Variants in VILL observed in about 807,000 individuals in gnomAD.
VILL encodes the protein villin like.
A neutral mutation model predicts 106.3 loss-of-function variants in VILL; 102 were observed. The observed-to-expected ratio is 0.96, with a 90% CI of 0.82 to 1.13. VILL has a LOEUF of 1.13. Ranked by LOEUF, VILL falls within the 50% of genes most tolerant of loss-of-function variation. The probability of loss-of-function intolerance (pLI) is 0.00; values close to 1 mark genes in which losing one functional copy is unlikely to be tolerated. For synonymous variants in VILL, 431 were observed against 440.3 expected (o/e 0.98, Z 0.27); for missense variants, 1,076 against 1,116.6 (o/e 0.96, Z 0.52).
At position 37,997,255 on chromosome 3, in the gene VILL, C is replaced by T. The variant is rs1699719840; in HGVS notation, c.561+68C>T. 2 of 1,501,656 alleles carry T rather than the reference C, an allele frequency of 1.3e-6. No individual in the cohort carries two copies. The highest frequency in any genetic ancestry group is 2.3e-5 in the South Asian group (2 of 87,516). The allele number at this position is 1,501,656 out of a possible 1,614,324, so 93.0% of individuals were successfully genotyped here. A position where few individuals can be genotyped will look rare whatever the true frequency, so the allele number is the denominator to read the frequency against. ...GGGGAATGATCCTCCAGTTGACCAT[C>T]CTCCGGCCACCCAAAGAGTTGGGCT... On this transcript the variant is annotated intron_variant, in intron 6 of 19. Coordinates refer to ENST00000383759, the MANE Select transcript of VILL (RefSeq NM_015873.4). The surrounding 1 kb of genome is among the most constrained non-coding windows in gnomAD (Gnocchi z 4.7).
At chr3:37,989,614 A>G (rs1314697716), upstream of VILL, among the ~76,000 whole-genome samples, 1 of 152,174 alleles carries the variant, frequency 6.6e-6, no homozygotes, top group Non-Finnish European at 1.5e-5. Flanking sequence ...AGATGGGGGA[A>G]GAGTCGGTGG....
intron 13 of VILL, 133 bp from the exon 14 acceptor site, chr3:38,002,263 A>G: frequency 2.5e-6 from 2 of 802,506 alleles, no homozygotes; most frequent in South Asian, 1.8e-5. Context: ...TGTACTCCTC[A>G]TGTGAAATCA....
In VILL at chr3:37,997,945, C is replaced by A; in HGVS notation, c.765-145C>A. 1 of 838,938 alleles carries A rather than the reference C, an allele frequency of 1.2e-6. No individual in the cohort carries two copies. The highest frequency in any genetic ancestry group is 1.8e-5 in the South Asian group (1 of 56,198). The allele number at this position is 838,938 out of a possible 1,614,324, so 52.0% of individuals were successfully genotyped here. A position where few individuals can be genotyped will look rare whatever the true frequency, so the allele number is the denominator to read the frequency against. ...TGCCTAAAGCTCCACAGCAAGGCTG[C>A]AGTAAAAGTGAAGACTACAACTCGG... is the stretch of plus-strand genomic sequence containing the variant. On this transcript the variant is annotated intron_variant, in intron 7 of 19. Transcript: ENST00000383759. This position sits in a 1 kb window ranked among gnomAD's most constrained non-coding sequence, Gnocchi z 4.7.
In VILL at chr3:37,990,813, G is replaced by C. The variant is rs1575331982; in HGVS notation, c.-103G>C. The C allele has an allele frequency of 6.6e-6, 1 of 152,574 alleles. No individual in the cohort carries two copies. The highest frequency in any genetic ancestry group is 6.5e-5 in the Admixed American group (1 of 15,292). 9.5% of individuals were successfully genotyped at this position (152,574 alleles called of 1,614,324 possible). A position where few individuals can be genotyped will look rare whatever the true frequency, so the allele number is the denominator to read the frequency against. ...TGCCCACAGGCAGGGCGAAGGCGCG[G>C]GAGCAGTTTCCAGCAGGTAGGCCTG... On this transcript the variant is annotated 5_prime_UTR_variant, in exon 1 of 20. Coordinates refer to ENST00000383759, the MANE Select transcript of VILL (RefSeq NM_015873.4). The surrounding 1 kb of genome is among the most constrained non-coding windows in gnomAD (Gnocchi z 5.1).
intron 14 of VILL, 56 bp from the exon 15 acceptor site, chr3:38,003,112 G>A: frequency 1.3e-6 from 2 of 1,591,192 alleles, no homozygotes; most frequent in Non-Finnish European, 1.7e-6. Flanking sequence ...GGGACGTGGG[G>A]CCGGAGGTGA....
chr3:38,002,194 A>G, intron 13 of VILL: 1 of 638,154 alleles, frequency 1.6e-6, no homozygotes, highest in Non-Finnish European at 2.7e-6. Flanking sequence ...GTCCATTTAA[A>G]AAGGGTCTGT....
chr3:37,996,033 C>T (rs1405635135), intron 5 of VILL, among the ~76,000 whole-genome samples, 186 bp downstream of exon 5: 3 of 152,168 alleles, frequency 2.0e-5, no homozygotes, highest in Admixed American at 6.5e-5. Context: ...CACTGCTCCC[C>T]GGACCTTTTG....
chr3:37,995,372 G>A (rs1325074867), intron 4 of VILL, among the ~76,000 whole-genome samples: 3 of 152,228 alleles, frequency 2.0e-5, no homozygotes, highest in African/African-American at 7.2e-5. Flanking sequence ...CCTATAGATG[G>A]ACATGTGTGA....
upstream of VILL, among the ~76,000 whole-genome samples, chr3:37,988,770 G>C (rs1699577523): frequency 6.6e-6 from 1 of 152,188 alleles, no homozygotes; most frequent in Non-Finnish European, 1.5e-5. Context: ...ACTGAGGCAG[G>C]AGAATCACTT....
chr3:37,998,349 C>T lies in VILL; in HGVS notation c.927C>T (p.Ala309=), dbSNP rs772774165. The T allele has an allele frequency of 2.5e-6, 4 of 1,614,030 alleles. No individual in the cohort carries two copies. Among genetic ancestry groups the T allele is most frequent in the Non-Finnish European group, 2.5e-6 (3 of 1,180,004 alleles). The part of the protein sequence containing the change: ...RMSSLQERKA[A]FSRAVGFIQA... ...CTAGCCTCCAGGAGAGAAAGGCTGC[C>T]TTCAGCCGGGCTGTGGTGAGCCCTG... Residue 309 remains alanine (A), a synonymous_variant, in exon 9 of 20, where the codon GCC becomes GCT. Coordinates refer to ENST00000383759, the MANE Select transcript of VILL (RefSeq NM_015873.4). The surrounding 1 kb of genome is among the most constrained non-coding windows in gnomAD (Gnocchi z 4.1).
rs775733388 is a variant in VILL at position 37,994,309 on chromosome 3, TAC to T, written c.185_186del (p.Tyr62LeufsTer61). On this transcript the variant is annotated frameshift_variant, in exon 4 of 20. Coordinates refer to ENST00000383759, the MANE Select transcript of VILL (RefSeq NM_015873.4). LOFTEE classifies it high-confidence loss of function. ...ATQGASSDLH[Y>X]WVGKQAGAEA... ...GCAGGGGGCGTCCAGCGACCTGCAC[TAC>T]TGGGTCGGGAAGCAGGCGGGTGCGG... is the stretch of plus-strand genomic sequence containing the variant. 2 of 1,612,052 alleles carry T rather than the reference TAC, an allele frequency of 1.2e-6. No individual in the cohort carries two copies. The highest frequency in any genetic ancestry group is 1.7e-6 in the Non-Finnish European group (2 of 1,179,872).
At chr3:37,995,980 G>A (rs145489540) in intron 5 of VILL, 133 bp downstream of exon 5, 12 of 670,618 alleles carry the variant, frequency 1.8e-5, no homozygotes, top group African/African-American at 1.6e-4. Context: ...GGTCTTGAAT[G>A]AGGAGAACAG....
chr3:38,005,644 G>T (rs1417411383), intron 16 of VILL, 148 bp from the exon 17 acceptor site: 2 of 771,256 alleles, frequency 2.6e-6, no homozygotes, highest in African/African-American at 1.7e-5. Context: ...CGGGTGTGTG[G>T]GTACAGCCGC....
chr3:38,002,270 A>G (rs1435868172), intron 13 of VILL, 126 bp from the exon 14 acceptor site: 1 of 862,000 alleles, frequency 1.2e-6, no homozygotes, highest in Non-Finnish European at 1.7e-6. Context: ...CTCATGTGAA[A>G]TCACCAGTGA....
chr3:37,999,886 C>T (rs944169657), intron 11 of VILL, among the ~76,000 whole-genome samples: 2 of 152,244 alleles, frequency 1.3e-5, no homozygotes, highest in African/African-American at 4.8e-5. Flanking sequence ...CACACGATCA[C>T]ACATCATCAA....
At position 37,997,589 on chromosome 3, in the gene VILL, T is replaced by C. The variant is rs746022002; in HGVS notation, c.668T>C (p.Met223Thr). The stretch of plus-strand genomic sequence containing the variant: ...AAAGCCCCGGACCTCATGCAGATCA[T>C]GGAGGCTGTGCTGGGCCGCAGGGTG... ...EAKAPDLMQI[M>T]EAVLGRRVGS... The change falls in exon 7 of 20, where the codon ATG (methionine) becomes ACG (threonine). Residue 223 changes from methionine to threonine, a missense_variant. Transcript: ENST00000383759. This position sits in a 1 kb window ranked among gnomAD's most constrained non-coding sequence, Gnocchi z 4.7. 23 of 1,613,584 alleles carry C rather than the reference T, an allele frequency of 1.4e-5. No homozygotes were observed. The African/African-American group carries it at 1.7e-4, about 12-fold the overall frequency.
At position 38,005,860 on chromosome 3, in the gene VILL, G is replaced by A; in HGVS notation, c.2019G>A (p.Leu673=). 6.2e-7 allele frequency: 1 copy of A among 1,614,166 alleles called. No homozygotes were observed. The highest frequency in any genetic ancestry group is 8.5e-7 in the Non-Finnish European group (1 of 1,180,004). Residue 673 remains leucine (L), a synonymous_variant, in exon 17 of 20, where the codon CTG becomes CTA. Transcript: ENST00000383759. ...KEAVAWGQEY[L]KTHPAGRSPA... is the part of the protein sequence containing the mutation. ...CGGTGGCCTGGGGCCAGGAGTACCT[G>A]AAGACTCACCCAGCAGGGAGGAGCC...
Position 37,998,343 on chromosome 3 carries a change from G to A in VILL, c.921G>A (p.Lys307=). Residue 307 remains lysine, a synonymous_variant, in exon 9 of 20, where the codon AAG becomes AAA. Transcript: ENST00000383759. The surrounding 1 kb of genome is among the most constrained non-coding windows in gnomAD (Gnocchi z 4.1). The part of the protein sequence containing the change: ...QGRMSSLQER[K]AAFSRAVGFI... ...GCATGTCTAGCCTCCAGGAGAGAAA[G>A]GCTGCCTTCAGCCGGGCTGTGGTGA... is the stretch of plus-strand genomic sequence containing the variant. 1 of 1,614,168 alleles carries A rather than the reference G, an allele frequency of 6.2e-7. No homozygotes were observed. The highest frequency in any genetic ancestry group is 8.5e-7 in the Non-Finnish European group (1 of 1,180,008).
intron 14 of VILL, 41 bp downstream of exon 14, chr3:38,002,616 G>A (rs1699840182): frequency 6.3e-7 from 1 of 1,588,348 alleles, no homozygotes. Context: ...CCCAGATGTA[G>A]TGGTGCCAGG....
Sources: gnomAD v4.1 joint callset for allele counts (sites outside exome capture counted in the v4.1 genomes callset) on GRCh38, gnomAD v4.1.1 for gene constraint, Gnocchi (gnomAD v3.1) non-coding constraint, MANE v1.5 for transcripts, NCBI Gene and HGNC (gene_info 2026-07-23, HGNC 2026-07-21) for gene names.